The following CABIN1 variants were observed in gnomAD, a reference collection of about 807,000 sequenced individuals.
CABIN1 encodes calcineurin-binding protein cabin-1.
CABIN1 carries 133 observed loss-of-function variants against 227.7 expected under a neutral mutation model. The ratio of observed to expected loss-of-function variants is 0.58; its 90% confidence interval spans 0.51 to 0.67. The LOEUF (loss-of-function observed/expected upper bound fraction) is 0.67. Ranked by LOEUF, CABIN1 falls within the 30% of genes least tolerant of loss-of-function variation. CABIN1 has a pLI of 0.00. For missense variants in CABIN1, 2,408 were observed against 2,852.5 expected (o/e 0.84, Z 3.55); for synonymous variants, 1,086 against 1,155.1 (o/e 0.94, Z 1.21).
intron 25 of CABIN1, 126 bp from the exon 26 acceptor site, chr22:24,097,888 G>A: frequency 8.2e-7 from 1 of 1,225,166 alleles, no homozygotes; most frequent in Admixed American, 1.7e-5. Flanking sequence ...AGGCAGATGG[G>A]GTGGGGGCCA....
chr22:24,118,731 A>G (rs1193077159), intron 27 of CABIN1, among the ~76,000 whole-genome samples: 1 of 152,186 alleles, frequency 6.6e-6, no homozygotes, highest in Non-Finnish European at 1.5e-5. Context: ...CATCCAGGCC[A>G]CTGTCATCAT....
intron 25 of CABIN1, among the ~76,000 whole-genome samples, chr22:24,096,975 C>T (rs1325208176): frequency 6.6e-6 from 1 of 152,208 alleles, no homozygotes; most frequent in African/African-American, 2.4e-5. Context: ...TGCTTCTGAC[C>T]ACAGATAGCC....
At chr22:24,039,135 A>T (rs1296354462) in intron 4 of CABIN1, among the ~76,000 whole-genome samples, 1 of 152,186 alleles carries the variant, frequency 6.6e-6, no homozygotes, top group Non-Finnish European at 1.5e-5. Context: ...TGTATATTTC[A>T]TTAGGAGGAA....
chr22:24,085,296 A>C, intron 22 of CABIN1, 145 bp downstream of exon 22: 1 of 906,880 alleles, frequency 1.1e-6, no homozygotes, highest in Non-Finnish European at 1.8e-6. Flanking sequence ...GTGGTTTAGC[A>C]CTTTGCTGTT....
chr22:24,104,263 C>T (rs1385086611), intron 26 of CABIN1, among the ~76,000 whole-genome samples: 1 of 152,184 alleles, frequency 6.6e-6, no homozygotes, highest in Admixed American at 6.5e-5. Context: ...AGCCTCACAC[C>T]TTACAGAACT....
At chr22:24,154,468 G>A (rs2045667048) in intron 29 of CABIN1, among the ~76,000 whole-genome samples, 1 of 152,180 alleles carries the variant, frequency 6.6e-6, no homozygotes, top group South Asian at 2.1e-4. Flanking sequence ...GATGGCAAGG[G>A]GCTGTTGTGG....
intron 29 of CABIN1, among the ~76,000 whole-genome samples, chr22:24,150,823 G>T (rs2045435339): frequency 6.6e-6 from 1 of 152,198 alleles, no homozygotes. Context: ...TGTGGGAGCT[G>T]GTCCGAACCA....
chr22:24,111,583 C>T (rs949966572), intron 26 of CABIN1, among the ~76,000 whole-genome samples: 7 of 152,326 alleles, frequency 4.6e-5, no homozygotes, highest in African/African-American at 1.2e-4. Context: ...ATGAAACTGG[C>T]CCCTGGTGCC....
intron 26 of CABIN1, among the ~76,000 whole-genome samples, chr22:24,111,439 G>A (rs1395153339): frequency 3.9e-5 from 6 of 152,160 alleles, no homozygotes; most frequent in Non-Finnish European, 8.8e-5. Flanking sequence ...TCTTATAGGA[G>A]CGTGAACCCT....
intron 29 of CABIN1, among the ~76,000 whole-genome samples, chr22:24,135,363 C>T (rs556166769): frequency 1.3e-3 from 188 of 145,870 alleles, no homozygotes; most frequent in African/African-American, 5.0e-3. Flanking sequence ...GCACTCCAGC[C>T]GGGGAGACAG....
intron 29 of CABIN1, among the ~76,000 whole-genome samples, chr22:24,155,399 G>A (rs1273195404): frequency 1.3e-5 from 2 of 152,106 alleles, no homozygotes; most frequent in African/African-American, 4.8e-5. Flanking sequence ...TGAAACTGGG[G>A]GAAGGGGTGT....
rs780721619 is a variant in CABIN1, at chr22:24,038,476, G to A, written c.210+15G>A. 1.9e-6 allele frequency: 3 copies of A among 1,592,772 alleles called. No individual in the cohort carries two copies. The highest frequency in any genetic ancestry group is 8.6e-7 in the Non-Finnish European group (1 of 1,161,630). On this transcript the variant is annotated intron_variant, in intron 4 of 36. Coordinates refer to ENST00000263119, the MANE Select transcript of CABIN1 (RefSeq NM_012295.4). The stretch of plus-strand genomic sequence containing the variant: ...TGCTGCGGGAGGTGAGGCATCAGCA[G>A]GCCAGGCAGTGTGCCGTGGTGGTTA...
Position 24,132,878 on chromosome 22 carries a change from G to A in CABIN1, c.4633-1424G>A, listed in dbSNP as rs773086105. Among the ~76,000 whole-genome samples, 9 of 152,344 alleles carry A rather than the reference G, an allele frequency of 5.9e-5. No individual in the cohort carries two copies. The East Asian group carries it at 7.7e-4, about 13-fold the overall frequency. The stretch of plus-strand genomic sequence containing the variant: ...GCTGGGATTACAGGCGTGAGCCACC[G>A]CGCCCAGCTGCTGGGGACACTTGAA... On this transcript the variant is annotated intron_variant, in intron 28 of 36. Transcript: ENST00000263119.
chr22:24,156,061 A>G (rs1309268243), intron 29 of CABIN1: 1 of 432,698 alleles, frequency 2.3e-6, no homozygotes, highest in Non-Finnish European at 4.1e-6. Context: ...CACAGATGCC[A>G]CGGCGGAGCC....
rs371111008 is a variant in CABIN1, at chr22:24,042,976, A to T, written c.418A>T (p.Ile140Phe). 23 of 1,613,668 alleles carry T rather than the reference A, an allele frequency of 1.4e-5. No individual in the cohort carries two copies. In the African/African-American group the frequency reaches 2.7e-4, roughly 19 times the overall value. The change falls in exon 6 of 37, where the codon ATC (isoleucine) becomes TTC (phenylalanine). Residue 140 changes from isoleucine (I) to phenylalanine (F), a missense_variant. Ile to Phe is a conservative substitution (Grantham distance 21). Transcript: ENST00000263119. ...ACATGTGGCCCTGAGGCTCATCCGG[A>T]TCCCCCTGGCTCGCCATGCTTTTGA... ...IGHVALRLIR[I>F]PLARHAFEEG... is the part of the protein sequence containing the mutation.
intron 29 of CABIN1, among the ~76,000 whole-genome samples, chr22:24,163,925 A>G (rs1322739138): frequency 6.6e-6 from 1 of 152,234 alleles, no homozygotes; most frequent in African/African-American, 2.4e-5. Context: ...GGAGCTGCAG[A>G]TGATTCTCTG....
At chr22:24,176,695 G>T (rs922438996) in intron 35 of CABIN1, among the ~76,000 whole-genome samples, 1 of 152,158 alleles carries the variant, frequency 6.6e-6, no homozygotes, top group African/African-American at 2.4e-5. Flanking sequence ...GGGTGGACAG[G>T]TTGGGCTGGG....
intron 6 of CABIN1, 40 bp downstream of exon 6, chr22:24,043,124 T>C: frequency 1.3e-6 from 2 of 1,586,566 alleles, no homozygotes; most frequent in Non-Finnish European, 1.7e-6. Flanking sequence ...GTGCCAGTGG[T>C]TTTTGGAACA....
At chr22:24,108,816 C>A (rs866747471) in intron 26 of CABIN1, among the ~76,000 whole-genome samples, 15 of 152,196 alleles carry the variant, frequency 9.9e-5, no homozygotes, top group African/African-American at 2.2e-4. Flanking sequence ...GTTGCCCCCC[C>A]ATCTACATGG....
Sources: allele counts gnomAD v4.1 joint callset (sites outside exome capture counted in the v4.1 genomes callset), GRCh38; gene constraint gnomAD v4.1.1; transcripts MANE v1.5; gene names NCBI Gene and HGNC (gene_info 2026-07-23, HGNC 2026-07-21).